RASA3: variants seen among roughly 807,000 people sequenced by gnomAD.
The protein encoded by RASA3 is RAS p21 protein activator 3, also known as ras GTPase-activating protein 3.
Under a neutral mutation model 110.0 loss-of-function variants are expected in RASA3, and 73 were observed. The observed-to-expected ratio is 0.66, with a 90% CI of 0.55 to 0.81. RASA3 has a LOEUF of 0.81. Among genes scored for constraint, RASA3 ranks in the 30% least tolerant of loss-of-function variants. The probability of loss-of-function intolerance (pLI) is 0.00; values close to 1 mark genes in which losing one functional copy is unlikely to be tolerated. For synonymous variants in RASA3, 500 were observed against 451.4 expected (o/e 1.11, Z -1.37); for missense variants, 976 against 1,113.2 (o/e 0.88, Z 1.75).
chr13:114,095,397 T>C (rs2079929547), intron 1 of RASA3, among the ~76,000 whole-genome samples: 1 of 151,950 alleles, frequency 6.6e-6, no homozygotes, highest in South Asian at 2.1e-4. Context: ...CCCACTCCCA[T>C]CTCCCCTCCC....
At chr13:114,068,623 G>A (rs2079498276) in intron 2 of RASA3, among the ~76,000 whole-genome samples, 1 of 152,118 alleles carries the variant, frequency 6.6e-6, no homozygotes, top group Non-Finnish European at 1.5e-5. Flanking sequence ...GCCCAGGGGA[G>A]GTCCAGGGCG....
rs2080535453 is a variant in RASA3, at chr13:114,132,462, C to G, written c.28G>C (p.Val10Leu). 6.6e-7 allele frequency: 1 copy of G among 1,519,474 alleles called. No homozygotes were observed. The highest frequency in any genetic ancestry group is 1.4e-5 in the African/African-American group (1 of 69,900). The allele number at this position is 1,519,474 out of a possible 1,614,324, so 94.1% of individuals were successfully genotyped here. A position where few individuals can be genotyped will look rare whatever the true frequency, so the allele number is the denominator to read the frequency against. Reference protein sequence around the residue: MAVEDEGLRVFQSVKIKIGE... With the variant: MAVEDEGLRLFQSVKIKIGE... ...ATCTTGATCTTCACGCTCTGGAAGA[C>G]CCGGAGCCCCTCGTCCTCCACCGCC... The change falls in exon 1 of 24, where the codon GTC (valine) becomes CTC (leucine). Residue 10 changes from valine to leucine, a missense_variant. Val to Leu is a conservative substitution (Grantham distance 32). Coordinates refer to ENST00000334062, the MANE Select transcript of RASA3 (RefSeq NM_007368.4).
At position 114,112,777 on chromosome 13, in the gene RASA3, TAC is replaced by T. The variant is rs1171010576; in HGVS notation, c.55+19656_55+19657del. Among the ~76,000 whole-genome samples the T allele has an allele frequency of 2.6e-5, 4 of 151,886 alleles. No homozygotes were observed. The highest frequency in any genetic ancestry group is 9.7e-5 in the African/African-American group (4 of 41,346). ...GTCCACTCCCCGTGGGGCCGCAGGG[TAC>T]ACCAACATCTGAGGCAGAGGCACCG... On this transcript the variant is annotated intron_variant, in intron 1 of 23. Transcript: ENST00000334062. This position sits in a 1 kb window ranked among gnomAD's most constrained non-coding sequence, Gnocchi z 4.8.
intron 21 of RASA3, among the ~76,000 whole-genome samples, chr13:113,995,827 C>T (rs188071037): frequency 6.2e-5 from 3 of 48,498 alleles, no homozygotes; most frequent in Non-Finnish European, 1.1e-4. Flanking sequence ...ACGGGGGGCC[C>T]GGCTGACGGG....
At chr13:114,066,814 G>T (rs1483206491) in intron 2 of RASA3, among the ~76,000 whole-genome samples, 1 of 152,362 alleles carries the variant, frequency 6.6e-6, no homozygotes, top group East Asian at 1.9e-4. Context: ...CAGGACCAGG[G>T]GCTCTGACCT....
rs375679080 is a variant in RASA3 at position 114,030,535 on chromosome 13, G to A, written c.373-648C>T. ...TCACACAGAGAGCAAGACTCACACAGAGGGCAAGACTCACACAGACAGCAA... is the reference window on the plus strand; with the variant it reads ...TCACACAGAGAGCAAGACTCACACAAAGGGCAAGACTCACACAGACAGCAA... On this transcript the variant is annotated intron_variant, in intron 4 of 23. Transcript: ENST00000334062. Among the ~76,000 whole-genome samples, 258 of 124,640 alleles carry A rather than the reference G, an allele frequency of 2.1e-3. 15 individuals are homozygous for A. The South Asian group carries it at 0.05, about 24-fold the overall frequency. 81.8% of individuals were successfully genotyped at this position (124,640 alleles called of 152,430 possible).
intron 1 of RASA3, among the ~76,000 whole-genome samples, chr13:114,098,144 G>A (rs2079970005): frequency 1.3e-5 from 2 of 152,270 alleles, no homozygotes; most frequent in South Asian, 4.1e-4. Flanking sequence ...CTGCAGGGGA[G>A]CACGGCACCT....
In RASA3 at chr13:113,996,381, G is replaced by C. The variant is rs547764222; in HGVS notation, c.2141+150C>G. On this transcript the variant is annotated intron_variant, in intron 21 of 23. Transcript: ENST00000334062. ...ATGCTCCCTCGAGGGAGGACCCCTC[G>C]GGTGGGAGGCTCCTGGGAGGAGGCG... The C allele has an allele frequency of 5.0e-6, 4 of 794,126 alleles. No homozygotes were observed. The East Asian group carries it at 8.1e-5, about 16-fold the overall frequency. 49.2% of individuals were successfully genotyped at this position (794,126 alleles called of 1,614,324 possible). A position where few individuals can be genotyped will look rare whatever the true frequency, so the allele number is the denominator to read the frequency against.
In RASA3 at chr13:113,978,965, G is replaced by A. The variant is rs746846333; in HGVS notation, c.*382C>T. 14 of 277,160 alleles carry A rather than the reference G, an allele frequency of 5.1e-5. No homozygotes were observed. The highest frequency in any genetic ancestry group is 3.3e-4 in the Admixed American group (7 of 20,946). 17.2% of individuals were successfully genotyped at this position (277,160 alleles called of 1,614,324 possible). A position where few individuals can be genotyped will look rare whatever the true frequency, so the allele number is the denominator to read the frequency against. On this transcript the variant is annotated 3_prime_UTR_variant, in exon 24 of 24. Transcript: ENST00000334062. ...CCGTGCACGCAAGACAGACGTGCAC[G>A]AGACTGACGCACACACGGCCGGAGG...
chr13:114,023,305 C>T (rs554737770), intron 8 of RASA3, among the ~76,000 whole-genome samples: 203 of 152,164 alleles, frequency 1.3e-3, no homozygotes, highest in Non-Finnish European at 2.4e-3. Context: ...TTGGGGGCAT[C>T]CCAGGCTCAG....
chr13:114,009,774 C>A (rs948462472), intron 16 of RASA3, among the ~76,000 whole-genome samples: 1 of 152,204 alleles, frequency 6.6e-6, no homozygotes, highest in South Asian at 2.1e-4. Context: ...TGAAGAGGTA[C>A]GTTGGGGCCC....
rs2053731946 is a variant in RASA3, at chr13:114,014,022, CTCTCTCTCTCCG to C, written c.1406-786_1406-775del. 8.3e-5 allele frequency among the ~76,000 whole-genome samples: 10 copies of C among 120,456 alleles called. No individual in the cohort carries two copies. The highest frequency in any genetic ancestry group is 5.7e-4 in the South Asian group (2 of 3,522). The allele number at this position is 120,456 out of a possible 152,430, so 79.0% of individuals were successfully genotyped here. Reference sequence around the variant, plus strand: ...TCCGTCTGTCTCTGTCTCTCTCCATCTCTCTCTCTCCGTCTCTATCTCTCTCTCCGTCTGTCT... The same window carrying C: ...TCCGTCTGTCTCTGTCTCTCTCCATCTCTCTATCTCTCTCTCCGTCTGTCT... On this transcript the variant is annotated intron_variant, in intron 14 of 23. Coordinates refer to ENST00000334062, the MANE Select transcript of RASA3 (RefSeq NM_007368.4). The surrounding 1 kb of genome is among the most constrained non-coding windows in gnomAD (Gnocchi z 4.5).
chr13:114,041,375 A>T (rs774098050), intron 3 of RASA3, among the ~76,000 whole-genome samples: 1 of 152,260 alleles, frequency 6.6e-6, no homozygotes, highest in Non-Finnish European at 1.5e-5. Flanking sequence ...AAAAATTGAT[A>T]TTAAAAAGTC....
Position 114,057,363 on chromosome 13 carries a change from C to T in RASA3, c.174-5208G>A, listed in dbSNP as rs1034190534. On this transcript the variant is annotated intron_variant, in intron 2 of 23. Coordinates refer to ENST00000334062, the MANE Select transcript of RASA3 (RefSeq NM_007368.4). This position sits in a 1 kb window ranked among gnomAD's most constrained non-coding sequence, Gnocchi z 5.0. ...CCAAGCTTCATTCCCACGAGCTGGA[C>T]GAGCAGAAGGCATTGCAGGGCAGTG... 12 of 985,372 alleles carry T rather than the reference C, an allele frequency of 1.2e-5. No homozygotes were observed. Among genetic ancestry groups the T allele is most frequent in the African/African-American group, 8.7e-5 (5 of 57,328 alleles). The allele number at this position is 985,372 out of a possible 1,614,324, so 61.0% of individuals were successfully genotyped here. A position where few individuals can be genotyped will look rare whatever the true frequency, so the allele number is the denominator to read the frequency against.
rs376490739 is a variant in RASA3, at chr13:113,994,894, A to T, written c.2141+1637T>A. Among the ~76,000 whole-genome samples the T allele has an allele frequency of 5.9e-5, 9 of 152,330 alleles. No homozygotes were observed. In the East Asian group the frequency reaches 9.6e-4, roughly 16 times the overall value. ...GAGGCTGAGGTGGGAGGATGGCTTGAGCCTAGGAGGTCGAGGCTGCAGTGA... is the reference window on the plus strand; with the variant it reads ...GAGGCTGAGGTGGGAGGATGGCTTGTGCCTAGGAGGTCGAGGCTGCAGTGA... On this transcript the variant is annotated intron_variant, in intron 21 of 23. Transcript: ENST00000334062.
intron 18 of RASA3, among the ~76,000 whole-genome samples, chr13:114,004,697 A>G (rs1220424973): frequency 1.3e-5 from 2 of 152,226 alleles, no homozygotes; most frequent in African/African-American, 2.4e-5. Flanking sequence ...GGGAATGGAA[A>G]TTAGCGCTTA....
At chr13:114,041,641 C>T (rs542231014) in intron 3 of RASA3, among the ~76,000 whole-genome samples, 3 of 152,358 alleles carry the variant, frequency 2.0e-5, no homozygotes, top group South Asian at 4.1e-4. Context: ...CGTGTGCACC[C>T]GTGCGAGCGA....
intron 21 of RASA3, 56 bp from the exon 22 acceptor site, chr13:113,992,644 T>A: frequency 2.4e-6 from 3 of 1,252,690 alleles, no homozygotes; most frequent in Non-Finnish European, 3.5e-6. Context: ...ACGATGCTTT[T>A]AATAATGACA....
intron 4 of RASA3, among the ~76,000 whole-genome samples, chr13:114,031,864 G>A (rs576230365): frequency 6.6e-6 from 1 of 152,304 alleles, no homozygotes; most frequent in Non-Finnish European, 1.5e-5. Flanking sequence ...AGAATGCCTG[G>A]CGCTAAGACG....
Sources: gnomAD v4.1 joint callset for allele counts (sites outside exome capture counted in the v4.1 genomes callset) on GRCh38, gnomAD v4.1.1 for gene constraint, Gnocchi (gnomAD v3.1) non-coding constraint, MANE v1.5 for transcripts, NCBI Gene and HGNC (gene_info 2026-07-23, HGNC 2026-07-21) for gene names.